Variants in PTPRG observed in about 807,000 individuals in gnomAD.
PTPRG encodes the protein receptor-type tyrosine-protein phosphatase gamma.
PTPRG carries 102 observed loss-of-function variants against 165.3 expected under a neutral mutation model. The observed-to-expected ratio is 0.62, with a 90% CI of 0.53 to 0.73. The LOEUF is 0.73. Among genes scored for constraint, PTPRG ranks in the 30% least tolerant of loss-of-function variants. The probability of loss-of-function intolerance (pLI) is 0.00; values close to 1 mark genes in which losing one functional copy is unlikely to be tolerated. For synonymous variants in PTPRG, 675 were observed against 669.5 expected (o/e 1.01, Z -0.13); for missense variants, 1,866 against 1,861.4 (o/e 1.00, Z -0.05).
Position 62,022,144 on chromosome 3 carries a change from A to G in PTPRG, c.519+18647A>G, listed in dbSNP as rs545078126. ...TACGTGACTATTCCGCCAGAATCCT[A>G]TGGGCGGGTACCATTGCTGTCTCAT... On this transcript the variant is annotated intron_variant, in intron 4 of 29. Coordinates refer to ENST00000474889, the MANE Select transcript of PTPRG (RefSeq NM_002841.4). 3.9e-5 allele frequency among the ~76,000 whole-genome samples: 6 copies of G among 152,250 alleles called. 1 individual carries two copies. The South Asian group carries it at 1.0e-3, about 26-fold the overall frequency.
intron 1 of PTPRG, among the ~76,000 whole-genome samples, chr3:61,586,255 TA>T (rs879422992): frequency 2.6e-3 from 361 of 138,140 alleles, no homozygotes; most frequent in Middle Eastern, 3.6e-3. Context: ...CAGTGGGAAA[TA>T]AAAAAAAAAA....
At chr3:61,951,042 C>T (rs896941506) in intron 2 of PTPRG, among the ~76,000 whole-genome samples, 4 of 152,194 alleles carry the variant, frequency 2.6e-5, no homozygotes, top group Non-Finnish European at 5.9e-5. Flanking sequence ...GTTAAAATAT[C>T]ATTTTCGTAA....
rs145067377 is a variant in PTPRG at position 61,785,582 on chromosome 3, C to T, written c.190+36600C>T. On this transcript the variant is annotated intron_variant, in intron 2 of 29. Coordinates refer to ENST00000474889, the MANE Select transcript of PTPRG (RefSeq NM_002841.4). Reference sequence around the variant, plus strand: ...CATCAGTCTTGCTCTATTCTGCTGCCGTAGACCTGGCTTCAAATGATAGTG... The same window carrying T: ...CATCAGTCTTGCTCTATTCTGCTGCTGTAGACCTGGCTTCAAATGATAGTG... Among the ~76,000 whole-genome samples, 90 of 152,202 alleles carry T rather than the reference C, an allele frequency of 5.9e-4. 1 individual carries two copies. Among genetic ancestry groups the T allele is most frequent in the African/African-American group, 1.8e-3 (74 of 41,530 alleles).
intron 1 of PTPRG, among the ~76,000 whole-genome samples, chr3:61,595,807 G>C (rs1700687524): frequency 6.6e-6 from 1 of 152,172 alleles, no homozygotes; most frequent in African/African-American, 2.4e-5. Context: ...GAAAAGATTA[G>C]ATAATTTATA....
At chr3:61,763,199 C>A (rs571300854) in intron 2 of PTPRG, among the ~76,000 whole-genome samples, 1 of 152,108 alleles carries the variant, frequency 6.6e-6, no homozygotes, top group African/African-American at 2.4e-5. Flanking sequence ...GAAATATAGC[C>A]CGTGTGGCTG....
intron 5 of PTPRG, among the ~76,000 whole-genome samples, chr3:62,096,823 C>T (rs1253436588): frequency 6.6e-6 from 1 of 152,156 alleles, no homozygotes. Flanking sequence ...AATAAAAGAA[C>T]AAATTAGGTG....
At chr3:62,244,414 A>G (rs971018681) in intron 15 of PTPRG, among the ~76,000 whole-genome samples, 4 of 152,222 alleles carry the variant, frequency 2.6e-5, no homozygotes, top group African/African-American at 9.6e-5. Context: ...AGCAAATGCC[A>G]TAGACATTTA....
chr3:62,022,801 A>G (rs1345411798), intron 4 of PTPRG, among the ~76,000 whole-genome samples: 1 of 152,210 alleles, frequency 6.6e-6, no homozygotes, highest in African/African-American at 2.4e-5. Flanking sequence ...GGTATTTTGT[A>G]TAGAAGCTGT....
At position 61,562,270 on chromosome 3, in the gene PTPRG, C is replaced by G; in HGVS notation, c.-18C>G. The G allele has an allele frequency of 1.2e-6, 2 of 1,610,274 alleles. No individual in the cohort carries two copies. Among genetic ancestry groups the G allele is most frequent in the African/African-American group, 2.7e-5 (2 of 74,946 alleles). The stretch of plus-strand genomic sequence containing the variant: ...GTTTACCTCCCTGCTTTCCTCTTTT[C>G]GATGTGCGTTTTCGGACATGCGGAG... On this transcript the variant is annotated 5_prime_UTR_variant, in exon 1 of 30. Transcript: ENST00000474889.
intron 4 of PTPRG, among the ~76,000 whole-genome samples, chr3:62,074,498 C>T (rs908201998): frequency 6.6e-6 from 1 of 151,522 alleles, no homozygotes; most frequent in Non-Finnish European, 1.5e-5. Flanking sequence ...TGGGACTACA[C>T]TCACCACTCC....
At chr3:61,935,652 T>C (rs1458952789) in intron 2 of PTPRG, among the ~76,000 whole-genome samples, 2 of 151,814 alleles carry the variant, frequency 1.3e-5, no homozygotes, top group South Asian at 2.1e-4. Flanking sequence ...ACTGCTGATA[T>C]CTTTTTTTAA....
intron 1 of PTPRG, among the ~76,000 whole-genome samples, chr3:61,653,889 C>T (rs1234421727): frequency 5.4e-4 from 3 of 5,592 alleles, no homozygotes; most frequent in Non-Finnish European, 1.5e-3. Flanking sequence ...GGTTGTTAAG[C>T]GGGGAGCGGT....
intron 28 of PTPRG, among the ~76,000 whole-genome samples, chr3:62,284,442 A>G (rs1473773029): frequency 6.6e-6 from 1 of 152,138 alleles, no homozygotes; most frequent in Non-Finnish European, 1.5e-5. Flanking sequence ...AGATCTGCAA[A>G]TATCATATAG....
intron 1 of PTPRG, among the ~76,000 whole-genome samples, chr3:61,625,075 T>C (rs60197976): frequency 0.029 from 4,477 of 151,880 alleles, 221 homozygotes; most frequent in African/African-American, 0.1. Context: ...GTGTTCATAT[T>C]TTCTCTCTTT....
At chr3:61,627,748 C>T (rs891280762) in intron 1 of PTPRG, among the ~76,000 whole-genome samples, 3 of 152,054 alleles carry the variant, frequency 2.0e-5, no homozygotes, top group Non-Finnish European at 4.4e-5. Context: ...TGGGAGGATT[C>T]TTTATTTGCT....
intron 4 of PTPRG, among the ~76,000 whole-genome samples, chr3:62,006,850 A>C (rs2041309182): frequency 6.6e-6 from 1 of 152,208 alleles, no homozygotes; most frequent in African/African-American, 2.4e-5. Context: ...ATCCAGCCCC[A>C]AAATGTCACT....
At chr3:61,578,132 C>G (rs572490759) in intron 1 of PTPRG, among the ~76,000 whole-genome samples, 3 of 152,310 alleles carry the variant, frequency 2.0e-5, no homozygotes, top group Admixed American at 2.0e-4. Context: ...TCTCCCTCTC[C>G]TAGTTCCTGT....
chr3:61,960,653 A>G (rs748466788), intron 2 of PTPRG, among the ~76,000 whole-genome samples: 2 of 152,092 alleles, frequency 1.3e-5, no homozygotes, highest in Non-Finnish European at 2.9e-5. Flanking sequence ...AGATATGACA[A>G]GGGTGGGGTT....
chr3:62,012,714 A>G (rs1385687392), intron 4 of PTPRG, among the ~76,000 whole-genome samples: 3 of 152,192 alleles, frequency 2.0e-5, no homozygotes, highest in African/African-American at 7.2e-5. Context: ...CAGAGCTCAA[A>G]AAGTGTCAGA....
Sources: allele counts gnomAD v4.1 joint callset (sites outside exome capture counted in the v4.1 genomes callset), GRCh38; gene constraint gnomAD v4.1.1; transcripts MANE v1.5; gene names NCBI Gene and HGNC (gene_info 2026-07-23, HGNC 2026-07-21).